SCRN3: variants seen among roughly 807,000 people sequenced by gnomAD.
The protein encoded by SCRN3 is secernin 3.
A neutral mutation model predicts 43.1 loss-of-function variants in SCRN3; 39 were observed. That is an observed-to-expected ratio of 0.91 (90% CI 0.70 to 1.18). The LOEUF is 1.18. Among genes scored for constraint, SCRN3 ranks in the 50% most tolerant of loss-of-function variants. The pLI is 0.00. For missense variants in SCRN3, 484 were observed against 498.0 expected (o/e 0.97, Z 0.27); for synonymous variants, 147 against 163.1 (o/e 0.90, Z 0.75).
chr2:174,426,936 G>A (rs564570391), intron 7 of SCRN3, among the ~76,000 whole-genome samples: 2 of 151,884 alleles, frequency 1.3e-5, no homozygotes, highest in South Asian at 2.1e-4. Context: ...AGGTTCAAGC[G>A]ATTCTCCTGC....
intron 5 of SCRN3, among the ~76,000 whole-genome samples, chr2:174,416,183 C>G (rs1686099869): frequency 6.6e-6 from 1 of 152,086 alleles, no homozygotes; most frequent in Admixed American, 6.6e-5. Flanking sequence ...GAAATCCAGC[C>G]CCACTATCTG....
intron 3 of SCRN3, among the ~76,000 whole-genome samples, chr2:174,400,689 TCA>T (rs1202688230): frequency 6.6e-6 from 1 of 152,208 alleles, no homozygotes; most frequent in Non-Finnish European, 1.5e-5. Flanking sequence ...TAACTAATTC[TCA>T]CAATAACCTC....
At chr2:174,413,125 G>A (rs1685985281) in intron 5 of SCRN3, among the ~76,000 whole-genome samples, 1 of 151,940 alleles carries the variant, frequency 6.6e-6, no homozygotes, top group Non-Finnish European at 1.5e-5. Flanking sequence ...ACCCGTCTCG[G>A]CCTCCCAAAG....
At chr2:174,412,483 A>C (rs1574659294) in intron 5 of SCRN3, among the ~76,000 whole-genome samples, 2 of 145,718 alleles carry the variant, frequency 1.4e-5, no homozygotes, top group East Asian at 4.0e-4. Context: ...ACTCTGAAGG[A>C]AGGGAATTCT....
rs1685592063 is a variant in SCRN3 at position 174,403,998 on chromosome 2, CTATATT to C, written c.542-101_542-96del. On this transcript the variant is annotated intron_variant, in intron 4 of 7. Transcript: ENST00000272732. ...TGCCCATGGCACAAAATTTAGAAGT[CTATATT>C]TATGTTTACATAGTGATTAGGAATC... is the stretch of plus-strand genomic sequence containing the variant. 3.7e-6 allele frequency: 3 copies of C among 809,898 alleles called. No individual in the cohort carries two copies. In the Admixed American group the frequency reaches 8.8e-5, roughly 24 times the overall value. The allele number at this position is 809,898 out of a possible 1,614,324, so 50.2% of individuals were successfully genotyped here.
intron 5 of SCRN3, among the ~76,000 whole-genome samples, chr2:174,417,061 CT>C (rs1310411941): frequency 1.3e-5 from 2 of 152,112 alleles, no homozygotes; most frequent in East Asian, 3.8e-4. Flanking sequence ...TCTAAACTAT[CT>C]TTTTCCCCCA....
Position 174,409,817 on chromosome 2 carries a change from C to T in SCRN3, c.754+5502C>T, listed in dbSNP as rs908029270. Among the ~76,000 whole-genome samples, 11 of 142,574 alleles carry T rather than the reference C, an allele frequency of 7.7e-5. 1 individual carries two copies. Among genetic ancestry groups the T allele is most frequent in the African/African-American group, 2.7e-4 (11 of 40,318 alleles). The allele number at this position is 142,574 out of a possible 152,430, so 93.5% of individuals were successfully genotyped here. A position where few individuals can be genotyped will look rare whatever the true frequency, so the allele number is the denominator to read the frequency against. ...CACTTGAGCAGGCAGTCTGCCGGTT[C>T]TCAGATCTCCAGCTGCGTGCTGGGA... On this transcript the variant is annotated intron_variant, in intron 5 of 7. Coordinates refer to ENST00000272732, the MANE Select transcript of SCRN3 (RefSeq NM_024583.5).
chr2:174,404,448 T>C (rs1273622039), intron 5 of SCRN3, 133 bp downstream of exon 5: 1 of 604,204 alleles, frequency 1.7e-6, no homozygotes, highest in Non-Finnish European at 2.7e-6. Context: ...AAAATATTTA[T>C]TATAAACCTA....
chr2:174,401,830 C>T (rs908531066), intron 4 of SCRN3, among the ~76,000 whole-genome samples: 14 of 152,108 alleles, frequency 9.2e-5, no homozygotes, highest in Admixed American at 2.6e-4. Context: ...AGAACATAGC[C>T]TTATGTTTAA....
Position 174,400,083 on chromosome 2 carries a change from A to AT in SCRN3, c.323dup (p.Leu108PhefsTer11). The AT allele has an allele frequency of 3.2e-6, 5 of 1,579,680 alleles. No individual in the cohort carries two copies. Among genetic ancestry groups the AT allele is most frequent in the Non-Finnish European group, 4.3e-6 (5 of 1,166,838 alleles). ...AAGAAGTTTGTGATGAAGAAGCACTATTAGGAATGGACCTTGTCAGGTTAT... is the reference window on the plus strand; with the variant it reads ...AAGAAGTTTGTGATGAAGAAGCACTATTTAGGAATGGACCTTGTCAGGTTAT... On this transcript the variant is annotated frameshift_variant, in exon 3 of 8. Coordinates refer to ENST00000272732, the MANE Select transcript of SCRN3 (RefSeq NM_024583.5). LOFTEE classifies it high-confidence loss of function.
At chr2:174,409,851 G>T (rs1199821149) in intron 5 of SCRN3, among the ~76,000 whole-genome samples, 3 of 141,562 alleles carry the variant, frequency 2.1e-5, no homozygotes, top group Non-Finnish European at 3.2e-5. Context: ...GAGAACCACT[G>T]CTCTCTTCAA....
chr2:174,424,418 A>C, intron 6 of SCRN3, 57 bp from the exon 7 acceptor site: 1 of 1,234,074 alleles, frequency 8.1e-7, no homozygotes, highest in Non-Finnish European at 1.1e-6. Flanking sequence ...GACTTAGACT[A>C]ACACTGAATA....
chr2:174,404,388 A>T (rs1444770878), intron 5 of SCRN3, 73 bp downstream of exon 5: 14 of 988,644 alleles, frequency 1.4e-5, no homozygotes, highest in Non-Finnish European at 1.8e-5. Context: ...GAATGATAAC[A>T]TCTGTTTTGG....
Position 174,401,051 on chromosome 2 carries a change from G to C in SCRN3, c.403G>C (p.Glu135Gln), listed in dbSNP as rs138391564. 2 of 1,613,806 alleles carry C rather than the reference G, an allele frequency of 1.2e-6. No homozygotes were observed. The change falls in exon 4 of 8, where the codon GAA (glutamate) becomes CAA (glutamine). Residue 135 changes from glutamate (E) to glutamine (Q), a missense_variant. Physicochemically the swap from Glu to Gln is conservative, Grantham distance 29. Transcript: ENST00000272732. ...CCTCAATGTCATTGTTGACTTACTA[G>C]AAAAATATGGCCAGGGTGGAAATTG... ...KALNVIVDLLEKYGQGGNCTE... is the reference protein window; with the variant it reads ...KALNVIVDLLQKYGQGGNCTE...
rs184637427 is a variant in SCRN3, at chr2:174,423,761, A to G, written c.917+714A>G. Among the ~76,000 whole-genome samples the G allele has an allele frequency of 3.9e-4, 49 of 126,510 alleles. 1 individual carries two copies. In the South Asian group the frequency reaches 5.5e-3, roughly 14 times the overall value. 83.0% of individuals were successfully genotyped at this position (126,510 alleles called of 152,430 possible). On this transcript the variant is annotated intron_variant, in intron 6 of 7. Coordinates refer to ENST00000272732, the MANE Select transcript of SCRN3 (RefSeq NM_024583.5). ...TGGGATTACAGGCGTGAGCCACCGCACCCGGCCAAGTCTTCCTTTTTTTTT... is the reference window on the plus strand; with the variant it reads ...TGGGATTACAGGCGTGAGCCACCGCGCCCGGCCAAGTCTTCCTTTTTTTTT...
At chr2:174,418,230 C>T (rs1686182458) in intron 5 of SCRN3, among the ~76,000 whole-genome samples, 1 of 152,160 alleles carries the variant, frequency 6.6e-6, no homozygotes, top group Non-Finnish European at 1.5e-5. Flanking sequence ...CTTACTTTTT[C>T]TCAAGTGTGA....
intron 1 of SCRN3, 135 bp from the exon 2 acceptor site, chr2:174,398,140 A>C: frequency 1.4e-5 from 8 of 554,150 alleles, no homozygotes. Context: ...AAAAATAAAA[A>C]TAAAAAAATC....
intron 5 of SCRN3, among the ~76,000 whole-genome samples, chr2:174,415,897 G>A (rs1328227537): frequency 2.0e-5 from 3 of 152,108 alleles, no homozygotes; most frequent in African/African-American, 7.2e-5. Flanking sequence ...TGCCCACCTT[G>A]GCCTATCAAA....
intron 5 of SCRN3, chr2:174,410,023 C>G (rs1270450740): frequency 2.5e-4 from 39 of 154,194 alleles, no homozygotes; most frequent in African/African-American, 9.4e-4. Flanking sequence ...TTTACCTAAG[C>G]AAGCCTGGGC....
Sources: allele counts gnomAD v4.1 joint callset (sites outside exome capture counted in the v4.1 genomes callset), GRCh38; gene constraint gnomAD v4.1.1; transcripts MANE v1.5; gene names NCBI Gene and HGNC (gene_info 2026-07-23, HGNC 2026-07-21).